Variants in SPHKAP observed in about 807,000 individuals in gnomAD.
SPHKAP encodes SPHK1 interactor, AKAP domain containing.
In SPHKAP, 67 loss-of-function variants were observed where a neutral mutation model predicts 137.5. The ratio of observed to expected loss-of-function variants is 0.49; its 90% confidence interval spans 0.40 to 0.60. The LOEUF (loss-of-function observed/expected upper bound fraction) is 0.60, where lower values mean the gene tolerates loss of function less well. Ranked by LOEUF, SPHKAP falls within the 20% of genes least tolerant of loss-of-function variation. The pLI is 0.00. For missense variants in SPHKAP, 2,097 were observed against 2,069.3 expected (o/e 1.01, Z -0.26); for synonymous variants, 813 against 785.3 (o/e 1.04, Z -0.59).
At chr2:228,147,819 G>A (rs1023918047) in intron 1 of SPHKAP, among the ~76,000 whole-genome samples, 2 of 152,200 alleles carry the variant, frequency 1.3e-5, no homozygotes, top group African/African-American at 4.8e-5. Context: ...CAGCATCACA[G>A]TAGGGGAGGT....
intron 1 of SPHKAP, among the ~76,000 whole-genome samples, chr2:228,143,904 A>G (rs1337155778): frequency 6.6e-6 from 1 of 152,118 alleles, no homozygotes; most frequent in Non-Finnish European, 1.5e-5. Flanking sequence ...TCCTGCATGC[A>G]TGGACCGTCT....
chr2:228,074,966 AGAG>A (rs894397440), intron 3 of SPHKAP, among the ~76,000 whole-genome samples: 5 of 152,148 alleles, frequency 3.3e-5, no homozygotes, highest in Admixed American at 2.0e-4. Flanking sequence ...AGAAGGAAGA[AGAG>A]GAGGAGGAGG....
rs1694669958 is a variant in SPHKAP, at chr2:228,017,862, G to A, written c.2992C>T (p.Pro998Ser). 2 of 1,613,910 alleles carry A rather than the reference G, an allele frequency of 1.2e-6. No individual in the cohort carries two copies. Among genetic ancestry groups the A allele is most frequent in the Admixed American group, 1.7e-5 (1 of 59,982 alleles). The change falls in exon 7 of 12, where the codon CCC becomes TCC. Residue 998 changes from proline to serine, a missense_variant. Pro to Ser is a moderately conservative substitution (Grantham distance 74). Coordinates refer to ENST00000392056, the MANE Select transcript of SPHKAP (RefSeq NM_001142644.2). ...TTCCTCTTGATCTCACTGAGCCGGG[G>A]AGGCTTGTGTTTCCTCACAGCGGTC... ...SGTAVRKHKP[P>S]RLSEIKRKTD...
At chr2:228,062,325 A>G (rs1362644699) in intron 3 of SPHKAP, among the ~76,000 whole-genome samples, 1 of 152,026 alleles carries the variant, frequency 6.6e-6, no homozygotes, top group East Asian at 1.9e-4. Flanking sequence ...GTGTTTCACC[A>G]TGTCAGCCAG....
At chr2:227,990,829 A>G (rs764743831) in intron 11 of SPHKAP, 171 bp downstream of exon 11, 1 of 677,488 alleles carries the variant, frequency 1.5e-6, no homozygotes, top group Non-Finnish European at 2.4e-6. Flanking sequence ...AACGCTAAGT[A>G]TATTATATTT....
chr2:228,045,364 A>T (rs1695999752), intron 3 of SPHKAP, among the ~76,000 whole-genome samples: 1 of 130,996 alleles, frequency 7.6e-6, no homozygotes, highest in South Asian at 2.8e-4. Context: ...TCCAACAATG[A>T]TAGACTGGAT....
intron 1 of SPHKAP, among the ~76,000 whole-genome samples, chr2:228,164,905 C>T (rs889052239): frequency 2.6e-5 from 4 of 152,158 alleles, no homozygotes; most frequent in Non-Finnish European, 5.9e-5. Context: ...CTTTTCTTGG[C>T]GCACACATGT....
chr2:228,110,623 G>T (rs1698488786), intron 2 of SPHKAP, among the ~76,000 whole-genome samples: 1 of 131,892 alleles, frequency 7.6e-6, no homozygotes, highest in East Asian at 2.7e-4. Context: ...ATAATACTAA[G>T]ATGTTATTTG....
intron 2 of SPHKAP, among the ~76,000 whole-genome samples, chr2:228,131,497 T>TA (rs1699248507): frequency 1.3e-5 from 2 of 151,780 alleles, no homozygotes; most frequent in Admixed American, 1.3e-4. Flanking sequence ...TTTTTTTTTT[T>TA]TATATCAGCT....
Position 228,048,304 on chromosome 2 carries a change from G to T in SPHKAP, c.247-20761C>A, listed in dbSNP as rs993208606. ...AATAAATCATTCATTTCAAGTCTTT[G>T]AGTTTAGCAGGTTATCTGAATACCT... On this transcript the variant is annotated intron_variant, in intron 3 of 11. Coordinates refer to ENST00000392056, the MANE Select transcript of SPHKAP (RefSeq NM_001142644.2). 3.4e-5 allele frequency among the ~76,000 whole-genome samples: 5 copies of T among 146,940 alleles called. 1 individual carries two copies. Among genetic ancestry groups the T allele is most frequent in the Admixed American group, 2.0e-4 (3 of 14,650 alleles).
chr2:228,140,298 T>C (rs1404483164), intron 1 of SPHKAP, among the ~76,000 whole-genome samples: 3 of 151,892 alleles, frequency 2.0e-5, no homozygotes, highest in African/African-American at 7.3e-5. Flanking sequence ...ATTTTTCAGA[T>C]AGTCAAAGCA....
At chr2:228,080,918 T>C (rs1023245328) in intron 3 of SPHKAP, among the ~76,000 whole-genome samples, 3 of 152,130 alleles carry the variant, frequency 2.0e-5, no homozygotes, top group Non-Finnish European at 4.4e-5. Context: ...TGTACAGCTA[T>C]TATGGAAAAC....
intron 2 of SPHKAP, among the ~76,000 whole-genome samples, chr2:228,126,608 C>A (rs1206004818): frequency 6.6e-6 from 1 of 152,146 alleles, no homozygotes; most frequent in African/African-American, 2.4e-5. Flanking sequence ...TATACCAAAG[C>A]ACTTTTGAGA....
At chr2:228,150,308 C>T (rs965047660) in intron 1 of SPHKAP, among the ~76,000 whole-genome samples, 1 of 152,138 alleles carries the variant, frequency 6.6e-6, no homozygotes, top group Non-Finnish European at 1.5e-5. Context: ...TAATTCAGGA[C>T]ATTTCTATTT....
chr2:228,117,376 C>T (rs1260381581), intron 2 of SPHKAP, among the ~76,000 whole-genome samples: 1 of 152,044 alleles, frequency 6.6e-6, no homozygotes, highest in Non-Finnish European at 1.5e-5. Context: ...GCCAGAGAAG[C>T]CCATTGGAAG....
intron 1 of SPHKAP, among the ~76,000 whole-genome samples, chr2:228,142,788 C>G (rs1159691453): frequency 6.6e-6 from 1 of 152,100 alleles, no homozygotes; most frequent in African/African-American, 2.4e-5. Context: ...ATCTGTACAA[C>G]AAACCCCCAT....
intron 11 of SPHKAP, among the ~76,000 whole-genome samples, chr2:227,988,158 T>C (rs1255953823): frequency 6.6e-6 from 1 of 152,158 alleles, no homozygotes; most frequent in Non-Finnish European, 1.5e-5. Context: ...AAAGAAAGAT[T>C]ATCAAAATGT....
At chr2:228,156,172 G>C (rs1299285456) in intron 1 of SPHKAP, among the ~76,000 whole-genome samples, 1 of 152,128 alleles carries the variant, frequency 6.6e-6, no homozygotes, top group Non-Finnish European at 1.5e-5. Flanking sequence ...CCCCAAATCC[G>C]ACATATATGT....
In SPHKAP at chr2:228,038,863, G is replaced by A. The variant is rs1574786656; in HGVS notation, c.247-11320C>T. Among the ~76,000 whole-genome samples the A allele has an allele frequency of 4.6e-5, 7 of 152,300 alleles. 3 individuals carry two copies. The highest frequency in any genetic ancestry group is 4.6e-4 in the Admixed American group (7 of 15,294). The stretch of plus-strand genomic sequence containing the variant: ...ATTTATAGAATGAATTCCAATGAAT[G>A]TAGTCAATAAACAGTTTTCTTCCCA... On this transcript the variant is annotated intron_variant, in intron 3 of 11. Coordinates refer to ENST00000392056, the MANE Select transcript of SPHKAP (RefSeq NM_001142644.2).
Sources: allele counts gnomAD v4.1 joint callset (sites outside exome capture counted in the v4.1 genomes callset), GRCh38; gene constraint gnomAD v4.1.1; transcripts MANE v1.5; gene names NCBI Gene and HGNC (gene_info 2026-07-23, HGNC 2026-07-21).